PLCXD3: variants seen among roughly 807,000 people sequenced by gnomAD.
PLCXD3 encodes the protein phosphatidylinositol specific phospholipase C X domain containing 3, also known as PI-PLC X domain-containing protein 3.
PLCXD3 carries 19 observed loss-of-function variants against 25.5 expected under a neutral mutation model. The ratio of observed to expected loss-of-function variants is 0.75; its 90% confidence interval spans 0.52 to 1.09. The LOEUF (loss-of-function observed/expected upper bound fraction) is 1.09. Among genes scored for constraint, PLCXD3 ranks in the 50% least tolerant of loss-of-function variants. The pLI is 0.00. For synonymous variants in PLCXD3, 174 were observed against 137.6 expected, an observed-to-expected ratio of 1.26 and a Z score of -1.85; for missense variants, 411 against 388.1, an observed-to-expected ratio of 1.06 and a Z score of -0.50.
chr5:41,501,506 A>G (rs908669524), intron 1 of PLCXD3, among the ~76,000 whole-genome samples: 1 of 152,030 alleles, frequency 6.6e-6, no homozygotes, highest in African/African-American at 2.4e-5. Flanking sequence ...TGAAGCAGAG[A>G]GTGGAATGCT....
chr5:41,321,110 C>T (rs1211801129), intron 2 of PLCXD3, among the ~76,000 whole-genome samples: 6 of 152,060 alleles, frequency 3.9e-5, no homozygotes, highest in Non-Finnish European at 5.9e-5. Context: ...CCAATCAGAC[C>T]AGAGAAAGAC....
At chr5:41,330,014 C>A (rs1485694094) in intron 2 of PLCXD3, among the ~76,000 whole-genome samples, 1 of 151,732 alleles carries the variant, frequency 6.6e-6, no homozygotes, top group East Asian at 1.9e-4. Context: ...TATGGGCGAA[C>A]AATTGTGGAT....
chr5:41,328,214 T>G (rs1401615796), intron 2 of PLCXD3, among the ~76,000 whole-genome samples: 1 of 152,142 alleles, frequency 6.6e-6, no homozygotes, highest in Admixed American at 6.5e-5. Context: ...AATTAGTTAG[T>G]ACATGTAGAA....
At chr5:41,316,575 C>T (rs1462906610) in intron 2 of PLCXD3, among the ~76,000 whole-genome samples, 2 of 152,226 alleles carry the variant, frequency 1.3e-5, no homozygotes, top group Admixed American at 1.3e-4. Context: ...GATTCCAGGA[C>T]TTCACTGTTG....
intron 2 of PLCXD3, among the ~76,000 whole-genome samples, chr5:41,319,763 G>C (rs954943499): frequency 6.6e-6 from 1 of 151,822 alleles, no homozygotes; most frequent in African/African-American, 2.4e-5. Context: ...ATAAAGATCA[G>C]AGTGGTAATA....
intron 1 of PLCXD3, among the ~76,000 whole-genome samples, chr5:41,471,803 T>TTCCCTTCCCTTCCCC (rs1561283132): frequency 5.9e-4 from 9 of 15,332 alleles, no homozygotes; most frequent in Non-Finnish European, 1.1e-3. Context: ...TTCCCTTCCC[T>TTCCCTTCCCTTCCCC]TCCCCTCCCC....
Position 41,313,413 on chromosome 5 carries a change from A to G in PLCXD3, c.*204T>C, listed in dbSNP as rs1239508502. ...CTAACACTAGAAGTAGATTTTGCTCATCAAATGGGAAATGAAATATTTATA... is the reference window on the plus strand; with the variant it reads ...CTAACACTAGAAGTAGATTTTGCTCGTCAAATGGGAAATGAAATATTTATA... On this transcript the variant is annotated 3_prime_UTR_variant, in exon 3 of 3. Transcript: ENST00000377801. The G allele has an allele frequency of 1.9e-6, 1 of 513,138 alleles. No individual in the cohort carries two copies. The highest frequency in any genetic ancestry group is 3.3e-6 in the Non-Finnish European group (1 of 303,488). The allele number at this position is 513,138 out of a possible 1,614,324, so 31.8% of individuals were successfully genotyped here.
chr5:41,369,671 G>T (rs1745036433), intron 2 of PLCXD3, among the ~76,000 whole-genome samples: 1 of 152,024 alleles, frequency 6.6e-6, no homozygotes, highest in South Asian at 2.1e-4. Flanking sequence ...GTAGACAGGG[G>T]TTTCACCATG....
At chr5:41,352,314 T>A (rs1280229332) in intron 2 of PLCXD3, among the ~76,000 whole-genome samples, 1 of 152,206 alleles carries the variant, frequency 6.6e-6, no homozygotes, top group East Asian at 1.9e-4. Flanking sequence ...TTGCATATAG[T>A]ATTCTTTCTG....
chr5:41,458,292 A>G (rs551387697), intron 1 of PLCXD3, among the ~76,000 whole-genome samples: 11 of 152,070 alleles, frequency 7.2e-5, no homozygotes, highest in African/African-American at 2.4e-4. Context: ...AATAAAAAAC[A>G]TACTGAACAG....
At chr5:41,447,404 A>G (rs1004871975) in intron 1 of PLCXD3, among the ~76,000 whole-genome samples, 1 of 152,220 alleles carries the variant, frequency 6.6e-6, no homozygotes, top group Non-Finnish European at 1.5e-5. Context: ...TCTTTGGAAA[A>G]TGTTAGGTTT....
intron 1 of PLCXD3, among the ~76,000 whole-genome samples, chr5:41,435,899 G>A (rs949671615): frequency 6.6e-6 from 1 of 152,196 alleles, no homozygotes; most frequent in Non-Finnish European, 1.5e-5. Flanking sequence ...AACCTCTGTG[G>A]CCTCATAGCC....
At chr5:41,378,776 T>C (rs139617165) in intron 2 of PLCXD3, among the ~76,000 whole-genome samples, 1 of 152,214 alleles carries the variant, frequency 6.6e-6, no homozygotes. Context: ...TGTTCAGCAC[T>C]TTCCTAACTG....
intron 1 of PLCXD3, among the ~76,000 whole-genome samples, chr5:41,441,707 T>C (rs1421380853): frequency 6.6e-6 from 1 of 152,190 alleles, no homozygotes; most frequent in East Asian, 1.9e-4. Context: ...GTAGGAAAAG[T>C]AGACAACGTC....
intron 1 of PLCXD3, among the ~76,000 whole-genome samples, chr5:41,499,445 A>G (rs1325016112): frequency 6.6e-6 from 1 of 151,802 alleles, no homozygotes; most frequent in East Asian, 1.9e-4. Context: ...AACAAAGGAG[A>G]CAAAAGATTT....
At chr5:41,417,831 G>C (rs1250657337) in intron 1 of PLCXD3, among the ~76,000 whole-genome samples, 1 of 152,238 alleles carries the variant, frequency 6.6e-6, no homozygotes, top group Admixed American at 6.5e-5. Flanking sequence ...CGTGCCCACT[G>C]TGGGCCTGAG....
At chr5:41,497,349 C>A (rs1032668071) in intron 1 of PLCXD3, among the ~76,000 whole-genome samples, 1 of 151,600 alleles carries the variant, frequency 6.6e-6, no homozygotes, top group African/African-American at 2.4e-5. Context: ...ATATTCCAGG[C>A]AAATGGTAAC....
intron 2 of PLCXD3, among the ~76,000 whole-genome samples, chr5:41,365,664 C>T (rs1026951956): frequency 6.6e-6 from 1 of 152,126 alleles, no homozygotes; most frequent in Non-Finnish European, 1.5e-5. Flanking sequence ...CTGGGAAACA[C>T]TATTTTGGTC....
chr5:41,487,272 C>A (rs1748540441), intron 1 of PLCXD3, among the ~76,000 whole-genome samples: 1 of 152,090 alleles, frequency 6.6e-6, no homozygotes, highest in Non-Finnish European at 1.5e-5. Flanking sequence ...GTAACAAGAT[C>A]ATTCCTTGGC....
Sources: allele counts gnomAD v4.1 joint callset (sites outside exome capture counted in the v4.1 genomes callset), GRCh38; gene constraint gnomAD v4.1.1; transcripts MANE v1.5; gene names NCBI Gene and HGNC (gene_info 2026-07-23, HGNC 2026-07-21).